The following CAMK2D variants were observed in gnomAD, a reference collection of about 807,000 sequenced individuals.
The protein encoded by CAMK2D is calcium/calmodulin dependent protein kinase II delta.
A neutral mutation model predicts 84.0 loss-of-function variants in CAMK2D; 37 were observed. The observed-to-expected ratio is 0.44, with a 90% CI of 0.34 to 0.58. The LOEUF (loss-of-function observed/expected upper bound fraction) is 0.58. CAMK2D is among the 20% of genes least tolerant of loss of function. The pLI, the probability that CAMK2D is intolerant of heterozygous loss-of-function variation, is 0.02. For synonymous variants in CAMK2D, 202 were observed against 212.5 expected, an observed-to-expected ratio of 0.95 and a Z score of 0.43; for missense variants, 448 against 652.5, an observed-to-expected ratio of 0.69 and a Z score of 3.41.
chr4:113,654,874 T>TATAC (rs1240150231), intron 3 of CAMK2D, among the ~76,000 whole-genome samples: 3 of 151,810 alleles, frequency 2.0e-5, no homozygotes, highest in African/African-American at 7.2e-5. Context: ...TTATATACTA[T>TATAC]ATACAACATA....
chr4:113,517,849 T>G (rs1014341173), intron 8 of CAMK2D, among the ~76,000 whole-genome samples, 192 bp from the exon 9 acceptor site: 1 of 152,146 alleles, frequency 6.6e-6, no homozygotes, highest in African/African-American at 2.4e-5. Flanking sequence ...CCTCCTATGC[T>G]CCAGAACTCT....
At chr4:113,475,940 CAT>C (rs1276366236) in intron 16 of CAMK2D, among the ~76,000 whole-genome samples, 19 of 152,174 alleles carry the variant, frequency 1.2e-4, no homozygotes, top group Non-Finnish European at 2.2e-4. Context: ...ATTTACAAAA[CAT>C]ATGGGAAAAT....
At chr4:113,459,651 T>C (rs2097348564) in intron 18 of CAMK2D, among the ~76,000 whole-genome samples, 1 of 151,538 alleles carries the variant, frequency 6.6e-6, no homozygotes, top group Non-Finnish European at 1.5e-5. Context: ...TTTTTTTTTT[T>C]TTTTGAGATG....
In CAMK2D at chr4:113,455,758, G is replaced by T. The variant is rs1230960345; in HGVS notation, c.1599C>A (p.Ile533=). 1 of 1,611,726 alleles carries T rather than the reference G, an allele frequency of 6.2e-7. No individual in the cohort carries two copies. The highest frequency in any genetic ancestry group is 1.3e-5 in the African/African-American group (1 of 74,970). The change falls in exon 20 of 21, where the codon ATC becomes ATA. Residue 533 remains isoleucine (I), a synonymous_variant. Transcript: ENST00000511664. ...ATATGTGAATGGTTTTCAGGCCTTAGATGTTTTGCCACAAAGAGGTGCCTC... is the reference window on the plus strand; with the variant it reads ...ATATGTGAATGGTTTTCAGGCCTTATATGTTTTGCCACAAAGAGGTGCCTC... ...FSGGTSLWQN[I]
chr4:113,498,695 A>G (rs2097980409), intron 16 of CAMK2D, among the ~76,000 whole-genome samples: 1 of 152,168 alleles, frequency 6.6e-6, no homozygotes, highest in Non-Finnish European at 1.5e-5. Context: ...AACCCATATC[A>G]TTGTTATGAT....
intron 16 of CAMK2D, among the ~76,000 whole-genome samples, chr4:113,493,252 T>A (rs1278245596): frequency 1.3e-5 from 2 of 152,260 alleles, no homozygotes; most frequent in East Asian, 3.9e-4. Flanking sequence ...GGTCTTTACA[T>A]TTAGGCATGA....
intron 2 of CAMK2D, among the ~76,000 whole-genome samples, chr4:113,744,916 C>G (rs562981829): frequency 1.3e-5 from 2 of 152,308 alleles, no homozygotes; most frequent in South Asian, 4.2e-4. Flanking sequence ...AAATACATAT[C>G]AATTAATCAT....
At chr4:113,568,382 T>C (rs531877139) in intron 4 of CAMK2D, among the ~76,000 whole-genome samples, 2 of 152,338 alleles carry the variant, frequency 1.3e-5, no homozygotes, top group East Asian at 3.9e-4. Context: ...TCAAGGTTCA[T>C]CCATGTTGTG....
At chr4:113,722,728 T>G (rs1249505053) in intron 2 of CAMK2D, among the ~76,000 whole-genome samples, 1 of 152,096 alleles carries the variant, frequency 6.6e-6, no homozygotes, top group Non-Finnish European at 1.5e-5. Context: ...AACCCAGCTT[T>G]CCCTCTGCAG....
At chr4:113,623,322 T>C (rs866215496) in intron 3 of CAMK2D, among the ~76,000 whole-genome samples, 5 of 152,260 alleles carry the variant, frequency 3.3e-5, no homozygotes, top group Middle Eastern at 3.4e-3. Flanking sequence ...TAAAGTATTT[T>C]GTAAATAAGT....
intron 13 of CAMK2D, among the ~76,000 whole-genome samples, chr4:113,506,862 C>T (rs1236542359): frequency 2.0e-5 from 3 of 151,962 alleles, no homozygotes; most frequent in African/African-American, 7.3e-5. Flanking sequence ...CACCTGTGCA[C>T]ACAAACTTAT....
chr4:113,516,265 T>C (rs1405077830), intron 9 of CAMK2D, among the ~76,000 whole-genome samples: 1 of 152,220 alleles, frequency 6.6e-6, no homozygotes, highest in Non-Finnish European at 1.5e-5. Flanking sequence ...AGCTTATCTT[T>C]GGCAGTTGTA....
chr4:113,514,592 C>T (rs2098261568), intron 10 of CAMK2D, among the ~76,000 whole-genome samples: 1 of 152,160 alleles, frequency 6.6e-6, no homozygotes, highest in Admixed American at 6.5e-5. Context: ...CCAGATCCCC[C>T]TCAAATTTCA....
chr4:113,561,974 C>CT (rs1339836086), intron 4 of CAMK2D, among the ~76,000 whole-genome samples: 2 of 152,100 alleles, frequency 1.3e-5, no homozygotes, highest in African/African-American at 4.8e-5. Context: ...GTATGTGTGC[C>CT]TGCATACACG....
At chr4:113,566,869 A>G (rs1242591225) in intron 4 of CAMK2D, among the ~76,000 whole-genome samples, 1 of 152,156 alleles carries the variant, frequency 6.6e-6, no homozygotes. Flanking sequence ...TCTTCATAGC[A>G]CTAGAACTAA....
intron 16 of CAMK2D, among the ~76,000 whole-genome samples, chr4:113,475,682 T>C (rs543783480): frequency 3.3e-5 from 5 of 152,320 alleles, no homozygotes; most frequent in African/African-American, 1.2e-4. Context: ...ACTCAAGAAG[T>C]CTCTTCTTCT....
intron 4 of CAMK2D, among the ~76,000 whole-genome samples, chr4:113,569,250 G>GT (rs1273161191): frequency 3.3e-5 from 5 of 152,112 alleles, no homozygotes; most frequent in Non-Finnish European, 5.9e-5. Context: ...GAGGTTCAAT[G>GT]TATCTATTTT....
intron 3 of CAMK2D, among the ~76,000 whole-genome samples, chr4:113,655,425 G>C (rs944248078): frequency 1.3e-5 from 2 of 152,016 alleles, no homozygotes; most frequent in African/African-American, 4.8e-5. Flanking sequence ...TGCACTAGGG[G>C]TTCCAGGGTA....
chr4:113,501,402 T>A lies in CAMK2D; in HGVS notation c.1087-891A>T, dbSNP rs573136555. 1.1e-4 allele frequency among the ~76,000 whole-genome samples: 17 copies of A among 152,176 alleles called. No homozygotes were observed. In the South Asian group the frequency reaches 3.5e-3, roughly 32 times the overall value. On this transcript the variant is annotated intron_variant, in intron 15 of 20. Coordinates refer to ENST00000511664, the MANE Select transcript of CAMK2D (RefSeq NM_001321571.2). ...TCATAAGAAAGACATAGTTTTCTAC[T>A]TGGAATGATTAAATGCTAGAGCCAA...
Sources: gnomAD v4.1 joint callset for allele counts (sites outside exome capture counted in the v4.1 genomes callset) on GRCh38, gnomAD v4.1.1 for gene constraint, MANE v1.5 for transcripts, NCBI Gene and HGNC (gene_info 2026-07-23, HGNC 2026-07-21) for gene names.